Variants in HK2 observed in about 807,000 individuals in gnomAD.
HK2 encodes hexokinase-2.
HK2 carries 42 observed loss-of-function variants against 92.9 expected under a neutral mutation model. The observed-to-expected ratio is 0.45, with a 90% CI of 0.35 to 0.58. The LOEUF (loss-of-function observed/expected upper bound fraction) is 0.58, where lower values mean the gene tolerates loss of function less well. Among genes scored for constraint, HK2 ranks in the 20% least tolerant of loss-of-function variants. The pLI is 0.00. For synonymous variants in HK2, 422 were observed against 468.0 expected (o/e 0.90, Z 1.27); for missense variants, 978 against 1,245.1 (o/e 0.79, Z 3.23).
At chr2:74,867,927 C>G in intron 3 of HK2, 143 bp downstream of exon 3, 1 of 928,152 alleles carries the variant, frequency 1.1e-6, no homozygotes, top group South Asian at 1.3e-5. Flanking sequence ...GTAAGGGCTC[C>G]CTCTCAGCCG....
At chr2:74,846,516 A>T (rs1347840654) in intron 1 of HK2, among the ~76,000 whole-genome samples, 1 of 152,226 alleles carries the variant, frequency 6.6e-6, no homozygotes, top group African/African-American at 2.4e-5. Context: ...AAATAGACTC[A>T]TACAGGATAT....
chr2:74,874,134 G>C, intron 6 of HK2, 132 bp from the exon 7 acceptor site: 4 of 1,170,134 alleles, frequency 3.4e-6, no homozygotes, highest in Non-Finnish European at 5.1e-6. Context: ...CATGTATTGT[G>C]ATGCCCCCAG....
intron 1 of HK2, among the ~76,000 whole-genome samples, chr2:74,844,807 A>G (rs1573355435): frequency 6.6e-6 from 1 of 152,348 alleles, no homozygotes; most frequent in East Asian, 1.9e-4. Flanking sequence ...GCCAGCCTGA[A>G]GAGCAAGGCC....
At chr2:74,865,916 A>G (rs910055827) in intron 2 of HK2, among the ~76,000 whole-genome samples, 3 of 151,860 alleles carry the variant, frequency 2.0e-5, no homozygotes, top group Non-Finnish European at 4.4e-5. Flanking sequence ...TGTGTGTCTA[A>G]TTTTTCCCCT....
intron 2 of HK2, among the ~76,000 whole-genome samples, chr2:74,854,874 A>T (rs1216815410): frequency 2.6e-5 from 4 of 152,188 alleles, no homozygotes; most frequent in Non-Finnish European, 5.9e-5. Flanking sequence ...GGGACGCCGG[A>T]CGCCGTGTAG....
chr2:74,884,183 A>G (rs1239175550), intron 12 of HK2, among the ~76,000 whole-genome samples: 1 of 152,248 alleles, frequency 6.6e-6, no homozygotes, highest in African/African-American at 2.4e-5. Flanking sequence ...GTGAGATTCC[A>G]GGCCATTGGA....
At position 74,877,955 on chromosome 2, in the gene HK2, A is replaced by C. The variant is rs191456527; in HGVS notation, c.1031+634A>C. On this transcript the variant is annotated intron_variant, in intron 8 of 17. Coordinates refer to ENST00000290573, the MANE Select transcript of HK2 (RefSeq NM_000189.5). Reference sequence around the variant, plus strand: ...GTGTTTCAGGGACCAGATGGTGGAGAGGAGGTGTCTTTGGAGCCAAATGGA... The same window carrying C: ...GTGTTTCAGGGACCAGATGGTGGAGCGGAGGTGTCTTTGGAGCCAAATGGA... Among the ~76,000 whole-genome samples the C allele has an allele frequency of 1.0e-3, 154 of 152,222 alleles. 1 individual carries two copies. The highest frequency in any genetic ancestry group is 3.7e-4 in the Non-Finnish European group (25 of 68,022).
At chr2:74,860,476 G>A (rs1031268072) in intron 2 of HK2, among the ~76,000 whole-genome samples, 4 of 152,116 alleles carry the variant, frequency 2.6e-5, no homozygotes, top group African/African-American at 4.8e-5. Context: ...TGTGAGTTTT[G>A]CCTGTTCCAG....
intron 8 of HK2, among the ~76,000 whole-genome samples, chr2:74,877,931 T>TG (rs1689274472): frequency 6.6e-6 from 1 of 152,212 alleles, no homozygotes; most frequent in African/African-American, 2.4e-5. Context: ...GAAGTCCTGG[T>TG]GTTTCAGGGA....
At chr2:74,861,965 T>TGAA (rs1688842345) in intron 2 of HK2, among the ~76,000 whole-genome samples, 1 of 152,250 alleles carries the variant, frequency 6.6e-6, no homozygotes, top group African/African-American at 2.4e-5. Context: ...GTGAATTATG[T>TGAA]TCACAGGTAA....
chr2:74,854,553 C>A, intron 2 of HK2, 98 bp downstream of exon 2: 1 of 1,305,986 alleles, frequency 7.7e-7, no homozygotes, highest in Non-Finnish European at 1.1e-6. Flanking sequence ...CCTCAGAAAC[C>A]AACCCTGGCT....
intron 1 of HK2, among the ~76,000 whole-genome samples, chr2:74,843,930 G>T (rs1248753301): frequency 6.6e-6 from 1 of 152,092 alleles, no homozygotes; most frequent in Non-Finnish European, 1.5e-5. Context: ...AGTAACTCAG[G>T]CCACCCTCAA....
In HK2 at chr2:74,882,605, TTATATA is replaced by T. The variant is rs141761906; in HGVS notation, c.1839+377_1839+382del. Among the ~76,000 whole-genome samples the T allele has an allele frequency of 1.6e-4, 12 of 75,660 alleles. 1 individual carries two copies. Among genetic ancestry groups the T allele is most frequent in the African/African-American group, 4.0e-4 (9 of 22,678 alleles). 49.6% of individuals were successfully genotyped at this position (75,660 alleles called of 152,430 possible). On this transcript the variant is annotated intron_variant, in intron 12 of 17. Transcript: ENST00000290573. ...TAGGAAGACCCCATCTCTATTGAACTTATATATATATATATAGCATTTTTAAGCACT... is the reference window on the plus strand; with the variant it reads ...TAGGAAGACCCCATCTCTATTGAACTTATATATATAGCATTTTTAAGCACT...
intron 13 of HK2, 127 bp from the exon 14 acceptor site, chr2:74,886,167 T>C (rs1689530131): frequency 3.8e-6 from 3 of 787,882 alleles, no homozygotes; most frequent in Non-Finnish European, 6.6e-6. Flanking sequence ...CAGACCTGAA[T>C]GGAATGAGAG....
chr2:74,874,100 G>T (rs1003677144), intron 6 of HK2, among the ~76,000 whole-genome samples, 157 bp downstream of exon 6: 2 of 152,164 alleles, frequency 1.3e-5, no homozygotes, highest in Non-Finnish European at 2.9e-5. Flanking sequence ...GACTCATGGA[G>T]TTGGGGGTGG....
chr2:74,847,805 A>G (rs10496195), intron 1 of HK2, among the ~76,000 whole-genome samples: 1 of 152,228 alleles, frequency 6.6e-6, no homozygotes, highest in African/African-American at 2.4e-5. Flanking sequence ...CCATCGGCCT[A>G]TAACAGGTAG....
chr2:74,889,504 T>C, intron 17 of HK2, 26 bp downstream of exon 17: 2 of 1,397,814 alleles, frequency 1.4e-6, no homozygotes, highest in Admixed American at 1.9e-5. Flanking sequence ...CAGCCCCCCC[T>C]GCCTACCTTC....
intron 2 of HK2, among the ~76,000 whole-genome samples, chr2:74,865,997 C>G (rs1309069532): frequency 2.0e-5 from 3 of 152,138 alleles, no homozygotes; most frequent in Non-Finnish European, 2.9e-5. Flanking sequence ...GGCTCAGGAA[C>G]TTGCCTCTGC....
rs556455439 is a variant in HK2, at chr2:74,889,498, C to G, written c.2609+20C>G. The G allele has an allele frequency of 1.6e-5, 23 of 1,479,638 alleles. No homozygotes were observed. The highest frequency in any genetic ancestry group is 2.1e-5 in the Non-Finnish European group (22 of 1,066,584). 91.7% of individuals were successfully genotyped at this position (1,479,638 alleles called of 1,614,324 possible). A position where few individuals can be genotyped will look rare whatever the true frequency, so the allele number is the denominator to read the frequency against. On this transcript the variant is annotated intron_variant, in intron 17 of 17. Coordinates refer to ENST00000290573, the MANE Select transcript of HK2 (RefSeq NM_000189.5). Reference sequence around the variant, plus strand: ...TCCTCAGTGAGTGCCTGATCCCAGCCCCCCCTGCCTACCTTCTTTCTGTCT... The same window carrying G: ...TCCTCAGTGAGTGCCTGATCCCAGCGCCCCCTGCCTACCTTCTTTCTGTCT...
Sources: gnomAD v4.1 joint callset for allele counts (sites outside exome capture counted in the v4.1 genomes callset) on GRCh38, gnomAD v4.1.1 for gene constraint, MANE v1.5 for transcripts, NCBI Gene and HGNC (gene_info 2026-07-23, HGNC 2026-07-21) for gene names.